PAXIP1: variants seen among roughly 807,000 people sequenced by gnomAD.
The protein encoded by PAXIP1 is PAX interacting protein 1, also known as PAX-interacting protein 1.
A neutral mutation model predicts 140.6 loss-of-function variants in PAXIP1; 19 were observed. That is an observed-to-expected ratio of 0.14 (90% CI 0.09 to 0.20). PAXIP1 has a LOEUF of 0.20. Among genes scored for constraint, PAXIP1 ranks in the 10% least tolerant of loss-of-function variants. The probability of loss-of-function intolerance (pLI) is 1.00; values close to 1 mark genes in which losing one functional copy is unlikely to be tolerated. For missense variants in PAXIP1, 920 were observed against 1,208.6 expected (o/e 0.76, Z 3.54); for synonymous variants, 442 against 444.6 (o/e 0.99, Z 0.07).
intron 8 of PAXIP1, chr7:154,965,283 T>G (rs1456396838): frequency 6.6e-6 from 1 of 152,344 alleles, no homozygotes; most frequent in Non-Finnish European, 1.5e-5. Flanking sequence ...AAGGGGCTCC[T>G]GCAGCCTCCG....
rs1212867548 is a variant in PAXIP1, at chr7:154,968,603, T to G, written c.1598A>C (p.Gln533Pro). 1 of 716,644 alleles carries G rather than the reference T, an allele frequency of 1.4e-6. No homozygotes were observed. Among genetic ancestry groups the G allele is most frequent in the Non-Finnish European group, 2.6e-6 (1 of 385,718 alleles). 44.4% of individuals were successfully genotyped at this position (716,644 alleles called of 1,614,324 possible). The change falls in exon 7 of 21, where the codon CAG becomes CCG. Residue 533 changes from glutamine (Q) to proline (P), a missense_variant. By Grantham distance (76) the Gln-to-Pro change is moderately conservative. This residue lies in a region of PAXIP1 where 133 missense variants were observed against 88.4 expected (regional missense o/e 1.50). Coordinates refer to ENST00000404141, the MANE Select transcript of PAXIP1 (RefSeq NM_007349.4). ...LLQQQQQQQI[Q>P]QQQLQRMHQQ... The stretch of plus-strand genomic sequence containing the variant: ...GTGCATGCGCTGGAGCTGCTGCTGC[T>G]GAATCTGCTGTTGCTGCTGCTGCTG...
chr7:154,953,077 A>C (rs1014603862), intron 16 of PAXIP1, among the ~76,000 whole-genome samples: 2 of 152,224 alleles, frequency 1.3e-5, no homozygotes, highest in African/African-American at 4.8e-5. Flanking sequence ...TGAATCTAAA[A>C]TATTTTAAAT....
Position 154,944,144 on chromosome 7 carries a change from C to T in PAXIP1, c.*5G>A, listed in dbSNP as rs749055097. 4.8e-5 allele frequency: 77 copies of T among 1,611,584 alleles called. No homozygotes were observed. In the South Asian group the frequency reaches 6.2e-4, roughly 13 times the overall value. On this transcript the variant is annotated 3_prime_UTR_variant, in exon 21 of 21. Coordinates refer to ENST00000404141, the MANE Select transcript of PAXIP1 (RefSeq NM_007349.4). ...GAGTCGACATGCACGGCAGCCTAGA[C>T]GCCATCAGTTAAACTTATATGTAGG...
At chr7:154,995,575 C>G (rs988021436) in intron 2 of PAXIP1, among the ~76,000 whole-genome samples, 1 of 152,198 alleles carries the variant, frequency 6.6e-6, no homozygotes, top group East Asian at 1.9e-4. Flanking sequence ...GCTGGCTGAT[C>G]GCGATGGCTC....
intron 5 of PAXIP1, among the ~76,000 whole-genome samples, chr7:154,977,749 A>G (rs982627659): frequency 1.3e-5 from 2 of 151,986 alleles, no homozygotes; most frequent in Non-Finnish European, 2.9e-5. Context: ...TTATAAATAT[A>G]TATGTACATA....
At position 154,954,191 on chromosome 7, in the gene PAXIP1, T is replaced by G. The variant is rs2150743978; in HGVS notation, c.2821+64A>C. On this transcript the variant is annotated intron_variant, in intron 16 of 20. Transcript: ENST00000404141. This position sits in a 1 kb window ranked among gnomAD's most constrained non-coding sequence, Gnocchi z 5.1. ...AAATATTTGTTGGGATGAAAAGAGATGAATTCAAGAAAAAAAAAAGTTTAT... is the reference window on the plus strand; with the variant it reads ...AAATATTTGTTGGGATGAAAAGAGAGGAATTCAAGAAAAAAAAAAGTTTAT... 2.7e-6 allele frequency: 3 copies of G among 1,095,180 alleles called. No individual in the cohort carries two copies. In the East Asian group the frequency reaches 8.2e-5, roughly 30 times the overall value. The allele number at this position is 1,095,180 out of a possible 1,614,324, so 67.8% of individuals were successfully genotyped here.
In PAXIP1 at chr7:154,954,200, GA is replaced by G. The variant is rs376799795; in HGVS notation, c.2821+54del. 1,258 of 1,118,066 alleles carry G rather than the reference GA, an allele frequency of 1.1e-3. No individual in the cohort carries two copies. Among genetic ancestry groups the G allele is most frequent in the South Asian group, 2.9e-3 (104 of 35,964 alleles). 69.3% of individuals were successfully genotyped at this position (1,118,066 alleles called of 1,614,324 possible). On this transcript the variant is annotated intron_variant, in intron 16 of 20. Coordinates refer to ENST00000404141, the MANE Select transcript of PAXIP1 (RefSeq NM_007349.4). This position sits in a 1 kb window ranked among gnomAD's most constrained non-coding sequence, Gnocchi z 5.1. ...TTGGGATGAAAAGAGATGAATTCAA[GA>G]AAAAAAAAAGTTTATTTGGCATTAA...
chr7:154,966,293 C>G (rs1302667935), intron 8 of PAXIP1, among the ~76,000 whole-genome samples: 1 of 152,200 alleles, frequency 6.6e-6, no homozygotes, highest in Non-Finnish European at 1.5e-5. Flanking sequence ...GACTCCTGAT[C>G]TGTCCACGTT....
intron 6 of PAXIP1, among the ~76,000 whole-genome samples, chr7:154,971,121 C>T (rs540925677): frequency 6.6e-6 from 1 of 152,348 alleles, no homozygotes; most frequent in Admixed American, 6.5e-5. Flanking sequence ...GCCAAGAGGA[C>T]TCAGCAGGGT....
chr7:154,976,429 G>A, intron 5 of PAXIP1, 98 bp from the exon 6 acceptor site: 1 of 1,446,020 alleles, frequency 6.9e-7, no homozygotes, highest in Non-Finnish European at 9.2e-7. Flanking sequence ...AAGGAATGCA[G>A]TTGAAATGTT....
chr7:154,963,426 G>A lies in PAXIP1; in HGVS notation c.1989+245C>T, dbSNP rs181115222. Among the ~76,000 whole-genome samples, 22 of 151,778 alleles carry A rather than the reference G, an allele frequency of 1.4e-4. No individual in the cohort carries two copies. The highest frequency in any genetic ancestry group is 1.9e-4 in the African/African-American group (8 of 41,372). ...CCTGACCTCGTGACCCGTCCACCTC[G>A]GCCTCCTGTCCGCCCTTTCTTAACA... On this transcript the variant is annotated intron_variant, in intron 9 of 20. Coordinates refer to ENST00000404141, the MANE Select transcript of PAXIP1 (RefSeq NM_007349.4). This position sits in a 1 kb window ranked among gnomAD's most constrained non-coding sequence, Gnocchi z 4.1.
At chr7:154,955,728 T>A (rs960068812) in intron 14 of PAXIP1, 97 bp from the exon 15 acceptor site, 29 of 606,832 alleles carry the variant, frequency 4.8e-5, no homozygotes, top group Non-Finnish European at 6.8e-5. Context: ...TTTAACAAGC[T>A]TTAACTGCAT....
rs748518879 is a variant in PAXIP1, at chr7:154,986,201, G to A, written c.325-2869C>T. On this transcript the variant is annotated intron_variant, in intron 4 of 20. Transcript: ENST00000404141. This position sits in a 1 kb window ranked among gnomAD's most constrained non-coding sequence, Gnocchi z 4.8. ...CACCCTGACGGGGAAAAGACAGAAGGTCACTGAGAACCACCAAGAAACAGT... is the reference window on the plus strand; with the variant it reads ...CACCCTGACGGGGAAAAGACAGAAGATCACTGAGAACCACCAAGAAACAGT... The A allele has an allele frequency of 1.3e-4, 179 of 1,349,940 alleles. No individual in the cohort carries two copies. Among genetic ancestry groups the A allele is most frequent in the Non-Finnish European group, 1.7e-4 (174 of 1,015,478 alleles). The allele number at this position is 1,349,940 out of a possible 1,614,324, so 83.6% of individuals were successfully genotyped here. A position where few individuals can be genotyped will look rare whatever the true frequency, so the allele number is the denominator to read the frequency against.
In PAXIP1 at chr7:154,963,653, T is replaced by C. The variant is rs1228318000; in HGVS notation, c.1989+18A>G. 1 of 1,564,818 alleles carries C rather than the reference T, an allele frequency of 6.4e-7. No homozygotes were observed. Among genetic ancestry groups the C allele is most frequent in the East Asian group, 2.2e-5 (1 of 44,534 alleles). ...GCCAGACCTTGCTCCTGGTCGCAGC[T>C]AAGGCTATTTTCCTTACCTGTGCAT... On this transcript the variant is annotated intron_variant, in intron 9 of 20. Transcript: ENST00000404141. This position sits in a 1 kb window ranked among gnomAD's most constrained non-coding sequence, Gnocchi z 4.1.
chr7:154,985,866 G>T, intron 4 of PAXIP1: 1 of 420,262 alleles, frequency 2.4e-6, no homozygotes, highest in Non-Finnish European at 4.1e-6. Context: ...ATCTTTCACA[G>T]CACCTAGTAC....
At chr7:155,001,740 C>A (rs566578504) in intron 1 of PAXIP1, 2 of 152,270 alleles carry the variant, frequency 1.3e-5, no homozygotes, top group Non-Finnish European at 2.9e-5. Flanking sequence ...TCAGGTGATC[C>A]ACCCGCCTTG....
intron 13 of PAXIP1, among the ~76,000 whole-genome samples, chr7:154,959,170 C>T (rs1808651583): frequency 6.6e-6 from 1 of 152,180 alleles, no homozygotes; most frequent in Non-Finnish European, 1.5e-5. Flanking sequence ...GTTCAAGTGG[C>T]ACAATCCCTA....
chr7:154,944,101 G>A lies in PAXIP1; in HGVS notation c.*48C>T. 6.2e-7 allele frequency: 1 copy of A among 1,604,732 alleles called. No homozygotes were observed. The highest frequency in any genetic ancestry group is 8.5e-7 in the Non-Finnish European group (1 of 1,173,024). On this transcript the variant is annotated 3_prime_UTR_variant, in exon 21 of 21. Coordinates refer to ENST00000404141, the MANE Select transcript of PAXIP1 (RefSeq NM_007349.4). Reference sequence around the variant, plus strand: ...GCAGCAGCTCCTCGCCAGCCAGACAGCCAGCCCCGCACCGCAGGAGTCGAC... The same window carrying A: ...GCAGCAGCTCCTCGCCAGCCAGACAACCAGCCCCGCACCGCAGGAGTCGAC...
chr7:154,966,608 G>A (rs1809034232), intron 8 of PAXIP1, among the ~76,000 whole-genome samples: 1 of 152,160 alleles, frequency 6.6e-6, no homozygotes, highest in Admixed American at 6.5e-5. Context: ...CAGTTTCTCA[G>A]TGCTGCCTTC....
Sources: gnomAD v4.1 joint callset for allele counts (sites outside exome capture counted in the v4.1 genomes callset) on GRCh38, gnomAD v4.1.1 for gene constraint, gnomAD v4.1.1 regional missense constraint, Gnocchi (gnomAD v3.1) non-coding constraint, MANE v1.5 for transcripts, NCBI Gene and HGNC (gene_info 2026-07-23, HGNC 2026-07-21) for gene names.